Variants in SOX5 observed in about 807,000 individuals in gnomAD.
SOX5 encodes transcription factor SOX-5.
SOX5 carries 9 observed loss-of-function variants against 92.0 expected under a neutral mutation model. The observed-to-expected ratio is 0.10, with a 90% CI of 0.06 to 0.17. The LOEUF (loss-of-function observed/expected upper bound fraction) is 0.17. SOX5 is among the 10% of genes least tolerant of loss of function. SOX5 has a pLI of 1.00. For synonymous variants in SOX5, 344 were observed against 336.3 expected (o/e 1.02, Z -0.25); for missense variants, 642 against 944.5 (o/e 0.68, Z 4.20).
At chr12:23,726,176 G>GA (rs1555294880) in intron 6 of SOX5, among the ~76,000 whole-genome samples, 38 of 73,070 alleles carry the variant, frequency 5.2e-4, no homozygotes, top group South Asian at 9.5e-4. Context: ...AGAGAGAGAG[G>GA]TCAGTTTCTC....
rs748289364 is a variant in SOX5, at chr12:24,409,972, G to A, written c.-250-41333C>T. Among the ~76,000 whole-genome samples the A allele has an allele frequency of 4.7e-5, 7 of 150,418 alleles. No homozygotes were observed. In the East Asian group the frequency reaches 7.9e-4, roughly 17 times the overall value. On this transcript the variant is annotated intron_variant, in intron 1 of 4. Coordinates refer to the SOX5 transcript ENST00000446891. The stretch of plus-strand genomic sequence containing the variant: ...TTTTTCGTCTGTAGCTTGGCTTTTC[G>A]TCCTTTCAATAGGATCTTTCACATA...
intron 6 of SOX5, among the ~76,000 whole-genome samples, chr12:23,704,942 A>T (rs2091199871): frequency 6.6e-6 from 1 of 151,590 alleles, no homozygotes; most frequent in Non-Finnish European, 1.5e-5. Context: ...AAAATTGTAT[A>T]TTACAAATAT....
rs562305377 is a variant in SOX5 at position 23,805,463 on chromosome 12, C to A, written c.481+40520G>T. ...AAAACATATGCTCAATAAATGTTAT[C>A]TACTGTTATCAAAAAGTAGCATCAC... On this transcript the variant is annotated intron_variant, in intron 3 of 14. Transcript: ENST00000451604. Among the ~76,000 whole-genome samples the A allele has an allele frequency of 1.1e-3, 160 of 152,154 alleles. 3 individuals are homozygous for A. The highest frequency in any genetic ancestry group is 1.2e-3 in the Non-Finnish European group (82 of 67,974).
chr12:23,971,568 A>G (rs2140147814), intron 4 of SOX5, among the ~76,000 whole-genome samples: 1 of 151,042 alleles, frequency 6.6e-6, no homozygotes, highest in South Asian at 2.1e-4. Flanking sequence ...TATGTAAATT[A>G]TATCATTGAT....
chr12:24,085,092 G>A (rs199982367), intron 4 of SOX5, among the ~76,000 whole-genome samples: 1 of 151,734 alleles, frequency 6.6e-6, no homozygotes, highest in Non-Finnish European at 1.5e-5. Context: ...TTCTTAGCAT[G>A]GCTGACGTAT....
chr12:23,592,973 G>A (rs1951788983), intron 9 of SOX5, among the ~76,000 whole-genome samples: 1 of 152,046 alleles, frequency 6.6e-6, no homozygotes, highest in Admixed American at 6.6e-5. Context: ...CAGCTACTCA[G>A]GAGGCTGAGA....
chr12:23,592,780 G>A (rs750686193), intron 9 of SOX5, among the ~76,000 whole-genome samples: 10 of 152,036 alleles, frequency 6.6e-5, no homozygotes, highest in Non-Finnish European at 1.2e-4. Flanking sequence ...TTAAATAAGA[G>A]ATATAAAATT....
intron 4 of SOX5, among the ~76,000 whole-genome samples, chr12:23,980,141 T>C (rs1197068123): frequency 3.9e-5 from 6 of 152,112 alleles, no homozygotes. Context: ...TTTTAGCACT[T>C]GCATTTCATA....
intron 4 of SOX5, among the ~76,000 whole-genome samples, chr12:24,112,379 G>A (rs1053680749): frequency 6.6e-6 from 1 of 152,034 alleles, no homozygotes; most frequent in Non-Finnish European, 1.5e-5. Flanking sequence ...GGTTCCAACA[G>A]AAATGGTCTA....
intron 2 of SOX5, among the ~76,000 whole-genome samples, chr12:24,330,817 C>G (rs1166740026): frequency 2.0e-5 from 3 of 152,196 alleles, no homozygotes; most frequent in Admixed American, 1.3e-4. Context: ...TGAAATTCCA[C>G]TGAGATGAGT....
intron 3 of SOX5, among the ~76,000 whole-genome samples, chr12:24,245,075 C>T (rs1293218923): frequency 6.6e-6 from 1 of 152,020 alleles, no homozygotes; most frequent in Non-Finnish European, 1.5e-5. Flanking sequence ...GAAATCCTCC[C>T]ATTAGAGGGC....
At chr12:23,684,585 C>T (rs1351358941) in intron 6 of SOX5, among the ~76,000 whole-genome samples, 1 of 152,008 alleles carries the variant, frequency 6.6e-6, no homozygotes, top group Non-Finnish European at 1.5e-5. Flanking sequence ...TTTTAAAGAA[C>T]ATGAGGTTTT....
chr12:24,061,541 A>T (rs1939702238), intron 4 of SOX5, among the ~76,000 whole-genome samples: 1 of 152,116 alleles, frequency 6.6e-6, no homozygotes, highest in African/African-American at 2.4e-5. Context: ...CTACTGCTAA[A>T]ATACCAATGA....
At chr12:24,271,618 A>G (rs1338243548) in intron 3 of SOX5, among the ~76,000 whole-genome samples, 1 of 152,116 alleles carries the variant, frequency 6.6e-6, no homozygotes, top group Non-Finnish European at 1.5e-5. Context: ...TGTCCCTTAC[A>G]CTTAGGTTTC....
At chr12:24,194,287 A>G (rs1171092404) in intron 4 of SOX5, among the ~76,000 whole-genome samples, 3 of 152,114 alleles carry the variant, frequency 2.0e-5, no homozygotes, top group Non-Finnish European at 4.4e-5. Context: ...AGGTGGATAA[A>G]ACAGCTTCTG....
chr12:23,794,478 G>A (rs1287296525), intron 3 of SOX5, among the ~76,000 whole-genome samples: 1 of 152,036 alleles, frequency 6.6e-6, no homozygotes, highest in Non-Finnish European at 1.5e-5. Flanking sequence ...TAAGGTAACT[G>A]CCAAAAATGA....
intron 2 of SOX5, among the ~76,000 whole-genome samples, chr12:24,312,691 G>A (rs1242294861): frequency 6.6e-6 from 1 of 152,178 alleles, no homozygotes; most frequent in African/African-American, 2.4e-5. Context: ...TTTAATTTAT[G>A]TGGCACTTAT....
chr12:23,933,719 G>A (rs1162884550), intron 1 of SOX5, among the ~76,000 whole-genome samples: 1 of 151,504 alleles, frequency 6.6e-6, no homozygotes, highest in Non-Finnish European at 1.5e-5. Flanking sequence ...GTCTCACCAG[G>A]ATGCTCTTCA....
intron 1 of SOX5, among the ~76,000 whole-genome samples, chr12:24,506,723 A>G (rs1948780625): frequency 6.6e-6 from 1 of 151,346 alleles, no homozygotes; most frequent in African/African-American, 2.4e-5. Context: ...TCAAAAAGAA[A>G]GAACTAGCAT....
Sources: allele counts gnomAD v4.1 joint callset (sites outside exome capture counted in the v4.1 genomes callset), GRCh38; gene constraint gnomAD v4.1.1; transcripts MANE v1.5; gene names NCBI Gene and HGNC (gene_info 2026-07-23, HGNC 2026-07-21).